The following BCAR3 variants were observed in gnomAD, a reference collection of about 807,000 sequenced individuals.
BCAR3 encodes the protein BCAR3 adaptor protein, NSP family member, also known as breast cancer anti-estrogen resistance protein 3.
A neutral mutation model predicts 80.1 loss-of-function variants in BCAR3; 37 were observed. That is an observed-to-expected ratio of 0.46 (90% CI 0.36 to 0.61). The LOEUF is 0.61. BCAR3 is among the 20% of genes least tolerant of loss of function. The pLI is 0.00. For missense variants in BCAR3, 978 were observed against 1,068.2 expected (o/e 0.92, Z 1.18); for synonymous variants, 389 against 418.9 (o/e 0.93, Z 0.87).
chr1:93,807,201 T>A (rs1382349975), intron 2 of BCAR3, among the ~76,000 whole-genome samples: 1 of 152,022 alleles, frequency 6.6e-6, no homozygotes, highest in African/African-American at 2.4e-5. Flanking sequence ...CTCCTCTCCA[T>A]CCACTGAAGG....
intron 2 of BCAR3, among the ~76,000 whole-genome samples, chr1:93,831,857 A>C (rs1654579321): frequency 6.6e-6 from 1 of 152,082 alleles, no homozygotes; most frequent in Admixed American, 6.5e-5. Flanking sequence ...ATTTCCTCTT[A>C]AAGAGGTGGC....
intron 3 of BCAR3, among the ~76,000 whole-genome samples, chr1:93,695,242 A>G (rs1649348709): frequency 6.6e-6 from 1 of 152,080 alleles, no homozygotes; most frequent in Non-Finnish European, 1.5e-5. Flanking sequence ...GCTCAGATTA[A>G]TTCATTCCAT....
chr1:93,690,698 T>C (rs924433412), intron 3 of BCAR3, among the ~76,000 whole-genome samples: 1 of 152,220 alleles, frequency 6.6e-6, no homozygotes, highest in East Asian at 1.9e-4. Context: ...TCCCCATATG[T>C]AAGATGAGGA....
intron 2 of BCAR3, among the ~76,000 whole-genome samples, chr1:93,656,853 G>A (rs1382742844): frequency 6.6e-6 from 1 of 152,110 alleles, no homozygotes; most frequent in Non-Finnish European, 1.5e-5. Context: ...TTACAGATAT[G>A]AGCCACTGCA....
chr1:93,665,196 T>A (rs999221756), intron 2 of BCAR3, among the ~76,000 whole-genome samples: 11 of 152,254 alleles, frequency 7.2e-5, no homozygotes, highest in Admixed American at 2.6e-4. Flanking sequence ...AGTGTCCATG[T>A]ACCTCCTCTG....
intron 2 of BCAR3, among the ~76,000 whole-genome samples, chr1:93,745,512 A>AC (rs60474223): frequency 1.3e-5 from 2 of 148,538 alleles, no homozygotes; most frequent in African/African-American, 5.1e-5. Context: ...TCTTTCTCCT[A>AC]CCCCCCACCA....
chr1:93,804,882 T>G (rs1296836673), intron 2 of BCAR3, among the ~76,000 whole-genome samples: 10 of 152,216 alleles, frequency 6.6e-5, no homozygotes, highest in South Asian at 4.1e-4. Context: ...GTACAAGTCT[T>G]TGTGTGGAAT....
chr1:93,809,826 G>A (rs1188368294), intron 2 of BCAR3, among the ~76,000 whole-genome samples: 3 of 146,624 alleles, frequency 2.0e-5, no homozygotes, highest in East Asian at 4.0e-4. Context: ...GGTCTTTAAC[G>A]AGGAATTCTC....
At chr1:93,735,763 C>G (rs372192610) in intron 2 of BCAR3, among the ~76,000 whole-genome samples, 1 of 152,222 alleles carries the variant, frequency 6.6e-6, no homozygotes, top group African/African-American at 2.4e-5. Flanking sequence ...ATATTTTGGA[C>G]CAAGGCAGCT....
At chr1:93,683,850 A>G (rs992429662), upstream of BCAR3, among the ~76,000 whole-genome samples, 1 of 152,208 alleles carries the variant, frequency 6.6e-6, no homozygotes, top group African/African-American at 2.4e-5. Context: ...AATCCATGTC[A>G]TTTTATAAAA....
rs1674256762 is a variant in BCAR3 at position 93,592,539 on chromosome 1, G to A, written c.358-146C>T. ...GGAGCCTGGATAATGATTACAAAGAGCTGTGACCTTTCGTTTCTCCGGCCG... is the reference window on the plus strand; with the variant it reads ...GGAGCCTGGATAATGATTACAAAGAACTGTGACCTTTCGTTTCTCCGGCCG... On this transcript the variant is annotated intron_variant, in intron 3 of 11. Transcript: ENST00000260502. The surrounding 1 kb of genome is among the most constrained non-coding windows in gnomAD (Gnocchi z 4.8). 1 of 1,150,308 alleles carries A rather than the reference G, an allele frequency of 8.7e-7. No homozygotes were observed. The highest frequency in any genetic ancestry group is 1.6e-5 in the South Asian group (1 of 61,684). 71.3% of individuals were successfully genotyped at this position (1,150,308 alleles called of 1,614,324 possible). A position where few individuals can be genotyped will look rare whatever the true frequency, so the allele number is the denominator to read the frequency against.
intron 2 of BCAR3, among the ~76,000 whole-genome samples, chr1:93,752,226 T>C (rs1651582182): frequency 6.6e-6 from 1 of 152,194 alleles, no homozygotes; most frequent in African/African-American, 2.4e-5. Context: ...TGAAATCTCC[T>C]GTAGAGGCCA....
intron 2 of BCAR3, among the ~76,000 whole-genome samples, chr1:93,667,171 G>A (rs552173285): frequency 3.9e-5 from 6 of 152,328 alleles, no homozygotes; most frequent in African/African-American, 1.4e-4. Flanking sequence ...TGATAGCCAC[G>A]GCTACGTCGA....
At chr1:93,624,222 C>A (rs998206705) in intron 3 of BCAR3, among the ~76,000 whole-genome samples, 1 of 152,188 alleles carries the variant, frequency 6.6e-6, no homozygotes, top group African/African-American at 2.4e-5. Flanking sequence ...TTCCAAAAGG[C>A]TTTTCTGCTA....
intron 2 of BCAR3, among the ~76,000 whole-genome samples, chr1:93,717,258 A>ACCCAG (rs1293052286): frequency 1.3e-5 from 2 of 152,204 alleles, no homozygotes; most frequent in African/African-American, 4.8e-5. Flanking sequence ...ACATGAGTGA[A>ACCCAG]CCCAGCCCAG....
At chr1:93,820,447 C>G (rs12117532) in intron 2 of BCAR3, among the ~76,000 whole-genome samples, 1 of 152,110 alleles carries the variant, frequency 6.6e-6, no homozygotes, top group African/African-American at 2.4e-5. Context: ...GGGGGTTCCC[C>G]AAATTCCCTC....
chr1:93,599,751 T>C (rs1202221675), intron 3 of BCAR3: 3 of 152,132 alleles, frequency 2.0e-5, no homozygotes, highest in Non-Finnish European at 2.9e-5. Context: ...TATGGATAAA[T>C]TGAACTCATC....
intron 5 of BCAR3, among the ~76,000 whole-genome samples, chr1:93,588,276 C>T (rs891657054): frequency 1.3e-5 from 2 of 152,096 alleles, no homozygotes; most frequent in Admixed American, 6.5e-5. Context: ...CTCCAATGTG[C>T]CCTCCTCTGA....
At chr1:93,781,314 T>C (rs114018909) in intron 2 of BCAR3, among the ~76,000 whole-genome samples, 1,610 of 152,338 alleles carry the variant, frequency 0.011, 20 homozygotes, top group Non-Finnish European at 0.013. Flanking sequence ...AAACCACTTT[T>C]AGCTCATGGG....
Sources: gnomAD v4.1 joint callset for allele counts (sites outside exome capture counted in the v4.1 genomes callset) on GRCh38, gnomAD v4.1.1 for gene constraint, Gnocchi (gnomAD v3.1) non-coding constraint, MANE v1.5 for transcripts, NCBI Gene and HGNC (gene_info 2026-07-23, HGNC 2026-07-21) for gene names.